PRKG1: variants seen among roughly 807,000 people sequenced by gnomAD.
The protein encoded by PRKG1 is protein kinase cGMP-dependent 1, also known as cGMP-dependent protein kinase 1.
Under a neutral mutation model 88.1 loss-of-function variants are expected in PRKG1, and 35 were observed. The ratio of observed to expected loss-of-function variants is 0.40; its 90% CI spans 0.30 to 0.53. The LOEUF is 0.53. PRKG1 is among the 20% of genes least tolerant of loss of function. PRKG1 has a pLI of 0.59. For synonymous variants in PRKG1, 303 were observed against 292.5 expected, an observed-to-expected ratio of 1.04 and a Z score of -0.37; for missense variants, 540 against 839.8, an observed-to-expected ratio of 0.64 and a Z score of 4.41.
intron 3 of PRKG1, among the ~76,000 whole-genome samples, chr10:51,652,909 C>G (rs932535374): frequency 6.6e-6 from 1 of 152,192 alleles, no homozygotes; most frequent in Non-Finnish European, 1.5e-5. Context: ...CTATTCTACT[C>G]TCTGTTTCTA....
intron 2 of PRKG1, among the ~76,000 whole-genome samples, chr10:51,194,119 T>C (rs1837700273): frequency 6.6e-6 from 1 of 152,192 alleles, no homozygotes; most frequent in African/African-American, 2.4e-5. Context: ...ATTTCACCCC[T>C]TTGGTAATAT....
At chr10:51,717,992 C>T (rs1387496392) in intron 3 of PRKG1, among the ~76,000 whole-genome samples, 1 of 152,126 alleles carries the variant, frequency 6.6e-6, no homozygotes, top group East Asian at 1.9e-4. Flanking sequence ...TAGTCCTCCC[C>T]TTCATTCATG....
chr10:51,663,702 C>CAAAAAAA (rs56804341), intron 3 of PRKG1, among the ~76,000 whole-genome samples: 3 of 72,722 alleles, frequency 4.1e-5, no homozygotes, highest in Non-Finnish European at 5.6e-5. Flanking sequence ...GACCCTGTCT[C>CAAAAAAA]AAAAAAAAAA....
intron 1 of PRKG1, among the ~76,000 whole-genome samples, chr10:51,085,517 C>T (rs973300624): frequency 4.0e-5 from 6 of 151,896 alleles, no homozygotes; most frequent in African/African-American, 9.7e-5. Flanking sequence ...TCTTCATTCT[C>T]GGTAATTGCT....
chr10:51,825,552 G>A (rs541765544), intron 4 of PRKG1, among the ~76,000 whole-genome samples: 6 of 152,200 alleles, frequency 3.9e-5, no homozygotes, highest in East Asian at 1.9e-4. Flanking sequence ...AAATTTAGTC[G>A]ATGATGCCTT....
chr10:52,249,852 A>C (rs948741122), intron 9 of PRKG1, among the ~76,000 whole-genome samples: 11 of 152,242 alleles, frequency 7.2e-5, no homozygotes, highest in African/African-American at 2.4e-4. Flanking sequence ...AGCAAAAAAC[A>C]AAAAACCAAA....
At chr10:51,804,767 T>C (rs1839261846) in intron 4 of PRKG1, 77 bp downstream of exon 4, 1 of 1,017,172 alleles carries the variant, frequency 9.8e-7, no homozygotes, top group African/African-American at 1.6e-5. Flanking sequence ...GCACCCTGAA[T>C]TTCAGGGTGC....
At chr10:52,095,982 G>A (rs1847162024) in intron 7 of PRKG1, among the ~76,000 whole-genome samples, 1 of 152,156 alleles carries the variant, frequency 6.6e-6, no homozygotes, top group African/African-American at 2.4e-5. Flanking sequence ...AGGTAGCCCT[G>A]GGAAGTGAGC....
At chr10:51,271,969 T>C (rs1839991033) in intron 2 of PRKG1, among the ~76,000 whole-genome samples, 1 of 152,216 alleles carries the variant, frequency 6.6e-6, no homozygotes, top group Admixed American at 6.5e-5. Flanking sequence ...TATATCTGAT[T>C]CTAGATCCTT....
chr10:52,280,718 G>GA lies in PRKG1; in HGVS notation c.1404-61dup, dbSNP rs144482504. ...TTGGCAAAGGAATATAGTGAAATGA[G>GA]AAAAAAAAAATAAAGCCATATTACA... On this transcript the variant is annotated intron_variant, in intron 12 of 17. Coordinates refer to ENST00000373980, the MANE Select transcript of PRKG1 (RefSeq NM_006258.4). 9,175 of 1,345,196 alleles carry GA rather than the reference G, an allele frequency of 6.8e-3. 1 individual carries two copies. Among genetic ancestry groups the GA allele is most frequent in the South Asian group, 7.7e-3 (555 of 72,542 alleles). The allele number at this position is 1,345,196 out of a possible 1,614,324, so 83.3% of individuals were successfully genotyped here. A position where few individuals can be genotyped will look rare whatever the true frequency, so the allele number is the denominator to read the frequency against.
chr10:51,055,680 G>A (rs1175949278), intron 1 of PRKG1, among the ~76,000 whole-genome samples: 1 of 152,040 alleles, frequency 6.6e-6, no homozygotes, highest in Non-Finnish European at 1.5e-5. Flanking sequence ...AGAGCTTGCA[G>A]TGAGGGGAGA....
At chr10:51,967,332 G>A (rs1264775306) in intron 5 of PRKG1, among the ~76,000 whole-genome samples, 7 of 151,990 alleles carry the variant, frequency 4.6e-5, no homozygotes, top group Admixed American at 3.9e-4. Flanking sequence ...AACACCACAT[G>A]TTCTCACTCA....
chr10:51,008,293 G>C (rs755424486), intron 1 of PRKG1, among the ~76,000 whole-genome samples: 5 of 152,112 alleles, frequency 3.3e-5, no homozygotes, highest in Non-Finnish European at 7.4e-5. Context: ...TAGCTTTCTA[G>C]GTATATACTG....
chr10:51,617,488 T>TG (rs1238115107), intron 3 of PRKG1, among the ~76,000 whole-genome samples: 1 of 152,170 alleles, frequency 6.6e-6, no homozygotes, highest in Non-Finnish European at 1.5e-5. Context: ...GACTGGAGAC[T>TG]GGCTTTCCTA....
intron 1 of PRKG1, among the ~76,000 whole-genome samples, chr10:51,093,995 A>C (rs1844463180): frequency 6.6e-6 from 1 of 151,550 alleles, no homozygotes; most frequent in South Asian, 2.1e-4. Context: ...ATGTAAGCTC[A>C]CCTTTGTTGA....
At chr10:52,187,414 A>G (rs1444052586) in intron 9 of PRKG1, among the ~76,000 whole-genome samples, 1 of 152,196 alleles carries the variant, frequency 6.6e-6, no homozygotes, top group African/African-American at 2.4e-5. Flanking sequence ...AGGTAAAAAA[A>G]AAATTTATAA....
chr10:52,205,916 A>T (rs1839808904), intron 9 of PRKG1, among the ~76,000 whole-genome samples: 1 of 151,948 alleles, frequency 6.6e-6, no homozygotes, highest in Admixed American at 6.6e-5. Flanking sequence ...CTTGTATAGT[A>T]TCTTTCAGGG....
chr10:51,873,473 T>G lies in PRKG1; in HGVS notation c.699-34034T>G, dbSNP rs536362144. 3.3e-5 allele frequency among the ~76,000 whole-genome samples: 5 copies of G among 152,118 alleles called. No homozygotes were observed. The East Asian group carries it at 9.7e-4, about 29-fold the overall frequency. ...ATTTATCCACCTGTCTATCTAATCA[T>G]CTATGTCTCTACATTCTTAGCTTGA... On this transcript the variant is annotated intron_variant, in intron 4 of 17. Coordinates refer to ENST00000373980, the MANE Select transcript of PRKG1 (RefSeq NM_006258.4).
chr10:51,471,498 G>C (rs1840049021), intron 3 of PRKG1, among the ~76,000 whole-genome samples: 2 of 151,812 alleles, frequency 1.3e-5, no homozygotes, highest in South Asian at 4.1e-4. Flanking sequence ...ACTCCCGGGT[G>C]TGATTTCACT....
Sources: gnomAD v4.1 joint callset for allele counts (sites outside exome capture counted in the v4.1 genomes callset) on GRCh38, gnomAD v4.1.1 for gene constraint, MANE v1.5 for transcripts, NCBI Gene and HGNC (gene_info 2026-07-23, HGNC 2026-07-21) for gene names.